ITGA11: variants seen among roughly 807,000 people sequenced by gnomAD.
ITGA11 encodes the protein integrin subunit alpha 11.
In ITGA11, 97 loss-of-function variants were observed where a neutral mutation model predicts 141.9. The ratio of observed to expected loss-of-function variants is 0.68; its 90% CI spans 0.58 to 0.81. ITGA11 has a LOEUF of 0.81. Among genes scored for constraint, ITGA11 ranks in the 30% least tolerant of loss-of-function variants. The pLI, the probability that ITGA11 is intolerant of heterozygous loss-of-function variation, is 0.00. For synonymous variants in ITGA11, 658 were observed against 624.6 expected (o/e 1.05, Z -0.80); for missense variants, 1,387 against 1,559.2 (o/e 0.89, Z 1.86).
chr15:68,419,746 G>A (rs1896972412), intron 1 of ITGA11, among the ~76,000 whole-genome samples: 1 of 152,168 alleles, frequency 6.6e-6, no homozygotes, highest in Admixed American at 6.5e-5. Flanking sequence ...TTGGATTCTG[G>A]CTCTCTTGTT....
intron 1 of ITGA11, among the ~76,000 whole-genome samples, chr15:68,405,189 A>C: frequency 6.9e-6 from 1 of 144,874 alleles, no homozygotes; most frequent in Middle Eastern, 3.6e-3. Flanking sequence ...CAGCAAACAC[A>C]TAACAGTAGC....
intron 24 of ITGA11, 119 bp downstream of exon 24, chr15:68,312,654 G>A: frequency 1.4e-6 from 1 of 698,376 alleles, no homozygotes; most frequent in Non-Finnish European, 2.4e-6. Flanking sequence ...CACAGTGGGT[G>A]GGTGGCAGGG....
chr15:68,312,797 C>CCCGATA lies in ITGA11; in HGVS notation c.2943_2948dup (p.Ile982_Gly983dup), dbSNP rs1488938287. ...CCCTGAAGATGCAGCTGAAGGGAGGCCCGATACCATCGTATCTCTCCAGCG... is the reference window on the plus strand; with the variant it reads ...CCCTGAAGATGCAGCTGAAGGGAGGCCCGATACCGATACCATCGTATCTCTCCAGCG... On this transcript the variant is annotated inframe_insertion, in exon 24 of 30. Coordinates refer to ENST00000315757, the MANE Select transcript of ITGA11 (RefSeq NM_001004439.2). 2 of 1,613,440 alleles carry CCCGATA rather than the reference C, an allele frequency of 1.2e-6. No homozygotes were observed. Among genetic ancestry groups the CCCGATA allele is most frequent in the East Asian group, 4.5e-5 (2 of 44,874 alleles).
At chr15:68,361,123 A>G (rs1895230284) in intron 5 of ITGA11, among the ~76,000 whole-genome samples, 1 of 152,192 alleles carries the variant, frequency 6.6e-6, no homozygotes, top group Admixed American at 6.5e-5. Flanking sequence ...CCTGCTGTCC[A>G]GGAGCACTGA....
In ITGA11 at chr15:68,328,517, G is replaced by A. The variant is rs1294895985; in HGVS notation, c.1902-255C>T. Among the ~76,000 whole-genome samples the A allele has an allele frequency of 6.6e-6, 1 of 152,180 alleles. No homozygotes were observed. The highest frequency in any genetic ancestry group is 1.9e-4 in the East Asian group (1 of 5,184). ...TGCAGCCCCTCAGCACTTTCCCCGA[G>A]GGGCTGTGCTCGCTGTGGATCATGC... On this transcript the variant is annotated intron_variant, in intron 15 of 29. Transcript: ENST00000315757. The surrounding 1 kb of genome is among the most constrained non-coding windows in gnomAD (Gnocchi z 4.8).
rs535092434 is a variant in ITGA11, at chr15:68,390,193, G to C, written c.164+12725C>G. 3.9e-5 allele frequency among the ~76,000 whole-genome samples: 6 copies of C among 152,310 alleles called. 1 individual carries two copies. The highest frequency in any genetic ancestry group is 1.4e-4 in the African/African-American group (6 of 41,564). ...GTTGGTGTATGGTCAGCTTTGCTGAGTTTGAGCTCTGAGTTGTGAGTGAGG... is the reference window on the plus strand; with the variant it reads ...GTTGGTGTATGGTCAGCTTTGCTGACTTTGAGCTCTGAGTTGTGAGTGAGG... On this transcript the variant is annotated intron_variant, in intron 2 of 29. Coordinates refer to ENST00000315757, the MANE Select transcript of ITGA11 (RefSeq NM_001004439.2).
intron 16 of ITGA11, among the ~76,000 whole-genome samples, chr15:68,327,736 C>T (rs1241435573): frequency 3.5e-5 from 5 of 141,102 alleles, no homozygotes; most frequent in Non-Finnish European, 6.3e-5. Context: ...TTTCCAGCAC[C>T]CCCCCTGTAG....
intron 2 of ITGA11, among the ~76,000 whole-genome samples, chr15:68,390,489 G>C (rs1436592206): frequency 6.6e-6 from 1 of 152,074 alleles, no homozygotes; most frequent in African/African-American, 2.4e-5. Context: ...GCGGATCCTT[G>C]GGGGGTTACA....
At chr15:68,316,262 C>T (rs560829938) in intron 21 of ITGA11, among the ~76,000 whole-genome samples, 63 of 152,330 alleles carry the variant, frequency 4.1e-4, no homozygotes, top group African/African-American at 1.4e-3. Flanking sequence ...TGTCTGGCAG[C>T]GCTTCTGCCA....
intron 7 of ITGA11, among the ~76,000 whole-genome samples, chr15:68,355,441 TTTTTTC>T (rs765168900): frequency 2.4e-4 from 36 of 148,898 alleles, no homozygotes; most frequent in Non-Finnish European, 4.9e-4. Flanking sequence ...AAATAGTTCT[TTTTTTC>T]TTTTTTTCTT....
chr15:68,366,366 G>C (rs1895423676), intron 3 of ITGA11, among the ~76,000 whole-genome samples: 1 of 152,126 alleles, frequency 6.6e-6, no homozygotes, highest in Admixed American at 6.5e-5. Context: ...GGAAATTAAA[G>C]AGCAAGATCT....
chr15:68,349,333 C>T lies in ITGA11; in HGVS notation c.1061-433G>A, dbSNP rs548716954. Among the ~76,000 whole-genome samples the T allele has an allele frequency of 5.3e-5, 8 of 152,338 alleles. No homozygotes were observed. In the South Asian group the frequency reaches 1.7e-3, roughly 32 times the overall value. Reference sequence around the variant, plus strand: ...TGGTTCCAGATGTCTTTGGATGGAACTCAAACATCAAATCCACCCTCAGAG... The same window carrying T: ...TGGTTCCAGATGTCTTTGGATGGAATTCAAACATCAAATCCACCCTCAGAG... On this transcript the variant is annotated intron_variant, in intron 9 of 29. Coordinates refer to ENST00000315757, the MANE Select transcript of ITGA11 (RefSeq NM_001004439.2).
intron 2 of ITGA11, among the ~76,000 whole-genome samples, chr15:68,387,480 G>C (rs1157841833): frequency 1.3e-5 from 2 of 152,168 alleles, no homozygotes; most frequent in South Asian, 2.1e-4. Context: ...AGAAACTCTG[G>C]AGGTGGGTTC....
Position 68,303,692 on chromosome 15 carries a change from C to T in ITGA11, c.3495+80G>A, listed in dbSNP as rs751302076. The T allele has an allele frequency of 3.8e-5, 36 of 950,174 alleles. No homozygotes were observed. Among genetic ancestry groups the T allele is most frequent in the Non-Finnish European group, 4.7e-5 (29 of 612,856 alleles). 58.9% of individuals were successfully genotyped at this position (950,174 alleles called of 1,614,324 possible). On this transcript the variant is annotated intron_variant, in intron 29 of 29. Transcript: ENST00000315757. The surrounding 1 kb of genome is among the most constrained non-coding windows in gnomAD (Gnocchi z 5.3). ...TCCCCTGGAGAGGAGAACGTGGCAG[C>T]GGCCACGAAGTTCCAGGGGCTGGAG... is the stretch of plus-strand genomic sequence containing the variant.
At chr15:68,395,870 A>G (rs1007767290) in intron 2 of ITGA11, among the ~76,000 whole-genome samples, 8 of 149,928 alleles carry the variant, frequency 5.3e-5, no homozygotes, top group Non-Finnish European at 1.0e-4. Flanking sequence ...TTAAAGTATA[A>G]TAATAATAAC....
intron 25 of ITGA11, 82 bp downstream of exon 25, chr15:68,311,208 T>G: frequency 7.8e-7 from 1 of 1,274,828 alleles, no homozygotes; most frequent in Non-Finnish European, 1.1e-6. Context: ...AGCTGGGGTC[T>G]GGGAACCTGG....
chr15:68,347,754 A>G (rs1420180499), intron 10 of ITGA11, among the ~76,000 whole-genome samples: 3 of 152,226 alleles, frequency 2.0e-5, no homozygotes, highest in African/African-American at 7.2e-5. Context: ...TGAATTCTTT[A>G]TGTGTAAACT....
At chr15:68,334,977 T>C (rs1417146293) in intron 12 of ITGA11, among the ~76,000 whole-genome samples, 1 of 151,880 alleles carries the variant, frequency 6.6e-6, no homozygotes, top group Admixed American at 6.6e-5. Context: ...GGATTTAGGT[T>C]AGACTCGGTG....
Position 68,432,143 on chromosome 15 carries a change from G to C in ITGA11, c.-77C>G. 1 of 1,136,946 alleles carries C rather than the reference G, an allele frequency of 8.8e-7. No individual in the cohort carries two copies. 70.4% of individuals were successfully genotyped at this position (1,136,946 alleles called of 1,614,324 possible). A position where few individuals can be genotyped will look rare whatever the true frequency, so the allele number is the denominator to read the frequency against. The stretch of plus-strand genomic sequence containing the variant: ...AAGCCAGAGCGGCAGCCTCCTCGGC[G>C]CGGCGCCTGCAGCCTGCACTGCGCG... On this transcript the variant is annotated 5_prime_UTR_variant, in exon 1 of 30. Transcript: ENST00000315757.
Sources: gnomAD v4.1 joint callset for allele counts (sites outside exome capture counted in the v4.1 genomes callset) on GRCh38, gnomAD v4.1.1 for gene constraint, Gnocchi (gnomAD v3.1) non-coding constraint, MANE v1.5 for transcripts, NCBI Gene and HGNC (gene_info 2026-07-23, HGNC 2026-07-21) for gene names.